The following BCL2L13 variants were observed in gnomAD, a reference collection of about 807,000 sequenced individuals.
The protein encoded by BCL2L13 is BCL2 like 13.
A neutral mutation model predicts 25.8 loss-of-function variants in BCL2L13; 13 were observed. The ratio of observed to expected loss-of-function variants is 0.50; its 90% CI spans 0.33 to 0.80. The LOEUF (loss-of-function observed/expected upper bound fraction) is 0.80. Ranked by LOEUF, BCL2L13 falls within the 30% of genes least tolerant of loss-of-function variation. The pLI, the probability that BCL2L13 is intolerant of heterozygous loss-of-function variation, is 0.02. For missense variants in BCL2L13, 504 were observed against 574.9 expected, an observed-to-expected ratio of 0.88 and a Z score of 1.26; for synonymous variants, 244 against 230.3, an observed-to-expected ratio of 1.06 and a Z score of -0.54.
chr22:17,692,763 A>G (rs2060139955), intron 4 of BCL2L13, among the ~76,000 whole-genome samples: 1 of 152,226 alleles, frequency 6.6e-6, no homozygotes, highest in African/African-American at 2.4e-5. Context: ...AGTGCGATTC[A>G]ATGCAAGTCA....
At chr22:17,697,868 G>C (rs1004831263) in intron 5 of BCL2L13, among the ~76,000 whole-genome samples, 1 of 151,862 alleles carries the variant, frequency 6.6e-6, no homozygotes, top group Non-Finnish European at 1.5e-5. Flanking sequence ...TAACTCTGTC[G>C]CCCAGGCCAG....
rs1255814549 is a variant in BCL2L13 at position 17,631,668 on chromosome 22, GTGTATATATATATATATA to G, written c.-650+2665_-650+2682del. ...TACGTGTGTGTATGTATGTGTGTGT[GTGTATATATATATATATA>G]TATATATATATATATATATATTTTT... On this transcript the variant is annotated intron_variant, in intron 1 of 6. Coordinates refer to the BCL2L13 transcript ENST00000399782. 1.4e-3 allele frequency among the ~76,000 whole-genome samples: 30 copies of G among 21,856 alleles called. 1 individual carries two copies. The highest frequency in any genetic ancestry group is 4.2e-3 in the African/African-American group (30 of 7,208). 14.3% of individuals were successfully genotyped at this position (21,856 alleles called of 152,430 possible).
At chr22:17,695,046 A>AGGAACTT (rs879517427) in intron 4 of BCL2L13, among the ~76,000 whole-genome samples, 8,063 of 152,260 alleles carry the variant, frequency 0.053, 358 homozygotes, top group African/African-American at 0.12. Flanking sequence ...GCCACGTAGC[A>AGGAACTT]ATGCGAGGAA....
intron 6 of BCL2L13, among the ~76,000 whole-genome samples, chr22:17,725,041 G>A (rs1248895889): frequency 5.3e-5 from 8 of 152,170 alleles, no homozygotes; most frequent in Admixed American, 1.3e-4. Flanking sequence ...GTAGGCACAC[G>A]GTGGCCTGTT....
chr22:17,664,387 C>T (rs931373082), intron 2 of BCL2L13, among the ~76,000 whole-genome samples: 1 of 148,810 alleles, frequency 6.7e-6, no homozygotes, highest in South Asian at 2.2e-4. Context: ...GAGAGCTCCA[C>T]CTGTGTGGCT....
At chr22:17,671,796 C>T (rs1273356100) in intron 2 of BCL2L13, among the ~76,000 whole-genome samples, 1 of 152,106 alleles carries the variant, frequency 6.6e-6, no homozygotes, top group Non-Finnish European at 1.5e-5. Flanking sequence ...TCACTGCAAC[C>T]TCTGCCTTCT....
At chr22:17,709,836 A>G (rs1184422903) in intron 6 of BCL2L13, among the ~76,000 whole-genome samples, 1 of 152,036 alleles carries the variant, frequency 6.6e-6, no homozygotes, top group African/African-American at 2.4e-5. Flanking sequence ...GCACTTTGGG[A>G]GGCCGAGGCA....
chr22:17,631,662 GTGTGTGTGTATATATATATATA>G lies in BCL2L13; in HGVS notation c.-650+2659_-650+2680del, dbSNP rs1251081881. 3.4e-3 allele frequency among the ~76,000 whole-genome samples: 108 copies of G among 32,134 alleles called. 2 individuals carry two copies. Among genetic ancestry groups the G allele is most frequent in the African/African-American group, 3.9e-3 (26 of 6,750 alleles). 21.1% of individuals were successfully genotyped at this position (32,134 alleles called of 152,430 possible). A position where few individuals can be genotyped will look rare whatever the true frequency, so the allele number is the denominator to read the frequency against. ...GAATGGTACGTGTGTGTATGTATGT[GTGTGTGTGTATATATATATATA>G]TATATATATATATATATATATATTT... On this transcript the variant is annotated intron_variant, in intron 1 of 6. Coordinates refer to the BCL2L13 transcript ENST00000399782.
intron 2 of BCL2L13, among the ~76,000 whole-genome samples, chr22:17,669,955 CAAAAG>C (rs889411395): frequency 6.6e-6 from 1 of 152,246 alleles, no homozygotes; most frequent in African/African-American, 2.4e-5. Context: ...CTTTCATAAA[CAAAAG>C]AAAATGGACT....
chr22:17,646,955 A>ATATATATATTTTTT (rs768488873), intron 1 of BCL2L13, among the ~76,000 whole-genome samples: 10 of 22,190 alleles, frequency 4.5e-4, no homozygotes, highest in Non-Finnish European at 5.4e-4. Context: ...ATATATATAT[A>ATATATATATTTTTT]TTTTTTTTTT....
intron 2 of BCL2L13, among the ~76,000 whole-genome samples, chr22:17,679,401 C>T (rs369989339): frequency 2.2e-4 from 33 of 151,108 alleles, no homozygotes; most frequent in Non-Finnish European, 3.8e-4. Flanking sequence ...TACCGAGTAG[C>T]TGTGATTACA....
At chr22:17,721,523 A>G (rs1271147117) in intron 6 of BCL2L13, among the ~76,000 whole-genome samples, 1 of 70,792 alleles carries the variant, frequency 1.4e-5, no homozygotes, top group South Asian at 4.2e-4. Context: ...CACTTATAAG[A>G]AATTTTTTTT....
At chr22:17,718,237 T>A (rs2061002673) in intron 6 of BCL2L13, among the ~76,000 whole-genome samples, 1 of 150,924 alleles carries the variant, frequency 6.6e-6, no homozygotes, top group African/African-American at 2.5e-5. Flanking sequence ...AGAGATGTAT[T>A]TAGATATTAG....
chr22:17,684,899 A>AT (rs768976156), intron 3 of BCL2L13, among the ~76,000 whole-genome samples: 11 of 151,732 alleles, frequency 7.2e-5, no homozygotes, highest in Non-Finnish European at 1.2e-4. Context: ...CACCCGACTA[A>AT]TTTTTTGTAT....
chr22:17,644,852 C>A (rs1432987987), intron 1 of BCL2L13, among the ~76,000 whole-genome samples: 2 of 143,078 alleles, frequency 1.4e-5, no homozygotes, highest in African/African-American at 5.3e-5. Flanking sequence ...GCTCTGTCAT[C>A]AGGCTGGAGT....
intron 1 of BCL2L13, among the ~76,000 whole-genome samples, chr22:17,631,698 ATATATATATTTTTTTTTTTTTTTTTTTT>A (rs2058030098): frequency 3.5e-5 from 1 of 28,862 alleles, no homozygotes; most frequent in African/African-American, 9.4e-5. Flanking sequence ...ATATATATAT[ATATATATATTTTTTTTTTTTTTTTTTTT>A]TTTTTTTTTT....
intron 6 of BCL2L13, chr22:17,706,748 T>G: frequency 7.4e-7 from 1 of 1,352,112 alleles, no homozygotes; most frequent in Non-Finnish European, 9.8e-7. Context: ...CTCCTCATTC[T>G]CTTTTCATTT....
intron 2 of BCL2L13, among the ~76,000 whole-genome samples, chr22:17,660,652 G>A (rs986110670): frequency 4.2e-5 from 6 of 143,188 alleles, no homozygotes; most frequent in South Asian, 2.2e-4. Flanking sequence ...CTTGAACTCC[G>A]GACCTCAAGT....
chr22:17,683,999 A>G (rs926016588), intron 3 of BCL2L13, among the ~76,000 whole-genome samples: 7 of 151,896 alleles, frequency 4.6e-5, no homozygotes, highest in Non-Finnish European at 8.8e-5. Flanking sequence ...TGAGGGGAGC[A>G]TTTGGATTAT....
Sources: gnomAD v4.1 joint callset for allele counts (sites outside exome capture counted in the v4.1 genomes callset) on GRCh38, gnomAD v4.1.1 for gene constraint, MANE v1.5 for transcripts, NCBI Gene and HGNC (gene_info 2026-07-23, HGNC 2026-07-21) for gene names.